The following PALM2AKAP2 variants were observed in gnomAD, a reference collection of about 807,000 sequenced individuals.
PALM2AKAP2 encodes PALM2-AKAP2 fusion protein.
In PALM2AKAP2, 37 loss-of-function variants were observed where a neutral mutation model predicts 71.5. The ratio of observed to expected loss-of-function variants is 0.52; its 90% CI spans 0.40 to 0.68. PALM2AKAP2 has a LOEUF of 0.68. PALM2AKAP2 is among the 30% of genes least tolerant of loss of function. PALM2AKAP2 has a pLI of 0.00. For synonymous variants in PALM2AKAP2, 468 were observed against 478.8 expected (o/e 0.98, Z 0.29); for missense variants, 1,224 against 1,191.8 (o/e 1.03, Z -0.40).
At chr9:109,667,056 G>A (rs948312746) in intron 1 of PALM2AKAP2, among the ~76,000 whole-genome samples, 3 of 152,158 alleles carry the variant, frequency 2.0e-5, no homozygotes, top group African/African-American at 7.2e-5. Context: ...CTAAGTACCA[G>A]GATTCAGTGG....
intron 1 of PALM2AKAP2, among the ~76,000 whole-genome samples, chr9:109,661,238 C>A (rs995595099): frequency 1.3e-5 from 2 of 152,144 alleles, no homozygotes; most frequent in Non-Finnish European, 2.9e-5. Flanking sequence ...AGTCCTTGCC[C>A]ATGCCTATGT....
At chr9:109,993,848 C>T (rs903423658) in intron 6 of PALM2AKAP2, among the ~76,000 whole-genome samples, 2 of 151,806 alleles carry the variant, frequency 1.3e-5, no homozygotes, top group Non-Finnish European at 2.9e-5. Flanking sequence ...CTCTCTCCCC[C>T]TCTTTTTCTC....
intron 1 of PALM2AKAP2, among the ~76,000 whole-genome samples, chr9:109,798,152 GTC>G (rs1032505554): frequency 6.6e-6 from 1 of 152,090 alleles, no homozygotes; most frequent in African/African-American, 2.4e-5. Flanking sequence ...TTCTACATAT[GTC>G]TGCCGGTGTG....
chr9:109,960,823 G>T (rs1011748578), intron 6 of PALM2AKAP2, among the ~76,000 whole-genome samples: 1 of 152,214 alleles, frequency 6.6e-6, no homozygotes, highest in Non-Finnish European at 1.5e-5. Flanking sequence ...TCCCTCAGCA[G>T]TTCCCAAGCA....
intron 1 of PALM2AKAP2, among the ~76,000 whole-genome samples, chr9:110,053,159 C>T (rs945621465): frequency 6.6e-6 from 1 of 152,166 alleles, no homozygotes. Flanking sequence ...TTTTCCCTTT[C>T]GTGCTCCTGT....
At chr9:110,089,574 A>T (rs1260166241) in intron 1 of PALM2AKAP2, among the ~76,000 whole-genome samples, 3 of 152,218 alleles carry the variant, frequency 2.0e-5, no homozygotes, top group Non-Finnish European at 4.4e-5. Context: ...TCCCTTCTTA[A>T]CACAATTCTT....
At chr9:110,159,733 C>T (rs539683373) in intron 3 of PALM2AKAP2, among the ~76,000 whole-genome samples, 40 of 152,170 alleles carry the variant, frequency 2.6e-4, no homozygotes, top group Non-Finnish European at 3.5e-4. Context: ...CAGTGTCCCC[C>T]GAGCCCCCAT....
chr9:110,103,072 AG>A (rs1160446869), intron 1 of PALM2AKAP2, among the ~76,000 whole-genome samples: 1 of 152,096 alleles, frequency 6.6e-6, no homozygotes, highest in Non-Finnish European at 1.5e-5. Context: ...CAGATTTCAG[AG>A]GGCAGCTCAG....
At chr9:109,937,440 A>G (rs761507559) in intron 6 of PALM2AKAP2, among the ~76,000 whole-genome samples, 1 of 152,208 alleles carries the variant, frequency 6.6e-6, no homozygotes, top group Non-Finnish European at 1.5e-5. Context: ...CAAAGTATCC[A>G]TGCAGTCATT....
At chr9:109,689,628 A>T (rs1055983033) in intron 1 of PALM2AKAP2, among the ~76,000 whole-genome samples, 3 of 152,238 alleles carry the variant, frequency 2.0e-5, no homozygotes, top group African/African-American at 7.2e-5. Flanking sequence ...GAGAAATAGG[A>T]CAAAAGAATC....
chr9:110,017,804 T>G (rs1833007025), intron 7 of PALM2AKAP2, among the ~76,000 whole-genome samples: 1 of 151,650 alleles, frequency 6.6e-6, no homozygotes, highest in African/African-American at 2.4e-5. Flanking sequence ...CTTGGCTCAC[T>G]GCAACATCCG....
Position 110,092,293 on chromosome 9 carries a change from C to A in PALM2AKAP2, c.156+43438C>A, listed in dbSNP as rs530532561. The stretch of plus-strand genomic sequence containing the variant: ...GCTGTAGTGAGCTGAGATTGTGCCA[C>A]CGCATTCCAGTCTGAGTGACAGAGT... On this transcript the variant is annotated intron_variant, in intron 1 of 3. Transcript: ENST00000374525. Among the ~76,000 whole-genome samples, 305 of 152,102 alleles carry A rather than the reference C, an allele frequency of 2.0e-3. 2 individuals carry two copies. Among genetic ancestry groups the A allele is most frequent in the African/African-American group, 7.1e-3 (296 of 41,410 alleles).
chr9:109,948,539 TG>T (rs1831564370), intron 6 of PALM2AKAP2, among the ~76,000 whole-genome samples: 1 of 152,222 alleles, frequency 6.6e-6, no homozygotes, highest in Admixed American at 6.5e-5. Flanking sequence ...GAAAACAAGA[TG>T]TTTTCTGAAA....
chr9:110,000,710 T>C (rs1444791306), intron 6 of PALM2AKAP2, among the ~76,000 whole-genome samples: 3 of 152,256 alleles, frequency 2.0e-5, no homozygotes, highest in African/African-American at 7.2e-5. Flanking sequence ...CCATTCTAAC[T>C]GGTGTGAGAT....
At chr9:109,749,820 C>T (rs1828858734) in intron 1 of PALM2AKAP2, among the ~76,000 whole-genome samples, 1 of 152,190 alleles carries the variant, frequency 6.6e-6, no homozygotes, top group Admixed American at 6.5e-5. Context: ...TTCTAGTCCC[C>T]TGCTCCCAAG....
At chr9:110,148,279 A>C (rs1324086329) in intron 2 of PALM2AKAP2, among the ~76,000 whole-genome samples, 4 of 152,124 alleles carry the variant, frequency 2.6e-5, no homozygotes, top group Non-Finnish European at 4.4e-5. Context: ...AGTTGTGTTC[A>C]TAGGTATAAA....
At position 109,773,977 on chromosome 9, in the gene PALM2AKAP2, C is replaced by A. The variant is rs147298425; in HGVS notation, c.6-6511C>A. Among the ~76,000 whole-genome samples, 57 of 152,294 alleles carry A rather than the reference C, an allele frequency of 3.7e-4. No individual in the cohort carries two copies. The East Asian group carries it at 0.011, about 28-fold the overall frequency. ...TGGTAGGAGCTGAAGCTAGGCTTTC[C>A]CAATTTCATTATTCATTCCCCAGCC... On this transcript the variant is annotated intron_variant, in intron 1 of 6. Coordinates refer to the PALM2AKAP2 transcript ENST00000374531.
intron 1 of PALM2AKAP2, among the ~76,000 whole-genome samples, chr9:109,808,423 T>TGA (rs2131429117): frequency 6.6e-6 from 1 of 152,296 alleles, no homozygotes; most frequent in South Asian, 2.1e-4. Flanking sequence ...ACTTTGAACT[T>TGA]GAGAGAGACG....
intron 7 of PALM2AKAP2, among the ~76,000 whole-genome samples, chr9:110,032,177 G>A (rs752139154): frequency 1.3e-4 from 20 of 151,856 alleles, no homozygotes; most frequent in African/African-American, 4.8e-4. Context: ...GCTTAAGACA[G>A]TTTCTTCTTT....
Sources: gnomAD v4.1 joint callset for allele counts (sites outside exome capture counted in the v4.1 genomes callset) on GRCh38, gnomAD v4.1.1 for gene constraint, MANE v1.5 for transcripts, NCBI Gene and HGNC (gene_info 2026-07-23, HGNC 2026-07-21) for gene names.